CRLS1: variants seen among roughly 807,000 people sequenced by gnomAD.
CRLS1 encodes the protein cardiolipin synthase 1, also known as cardiolipin synthase (CMP-forming).
In CRLS1, 24 loss-of-function variants were observed where a neutral mutation model predicts 37.0. That is an observed-to-expected ratio of 0.65 (90% CI 0.47 to 0.91). CRLS1 has a LOEUF of 0.91. CRLS1 is among the 40% of genes least tolerant of loss of function. The pLI is 0.00. For missense variants in CRLS1, 373 were observed against 395.8 expected, an observed-to-expected ratio of 0.94 and a Z score of 0.49; for synonymous variants, 135 against 159.7, an observed-to-expected ratio of 0.85 and a Z score of 1.17.
At chr20:6,017,469 A>C (rs1978849319) in intron 3 of CRLS1, among the ~76,000 whole-genome samples, 1 of 152,206 alleles carries the variant, frequency 6.6e-6, no homozygotes, top group Non-Finnish European at 1.5e-5. Flanking sequence ...TTTTTATAGA[A>C]AAATTTGTAT....
chr20:6,036,187 C>T (rs954107207), intron 6 of CRLS1, among the ~76,000 whole-genome samples: 5 of 152,198 alleles, frequency 3.3e-5, no homozygotes, highest in Admixed American at 1.3e-4. Flanking sequence ...TGGCCTCAAA[C>T]AATCCTCCTG....
chr20:6,034,315 A>G (rs1600392293), intron 5 of CRLS1, 149 bp from the exon 6 acceptor site: 1 of 599,754 alleles, frequency 1.7e-6, no homozygotes, highest in Non-Finnish European at 3.0e-6. Flanking sequence ...TGTGAATGCA[A>G]GCTTATTGGG....
intron 3 of CRLS1, among the ~76,000 whole-genome samples, chr20:6,021,653 A>T (rs1238772790): frequency 6.6e-6 from 1 of 152,098 alleles, no homozygotes; most frequent in Non-Finnish European, 1.5e-5. Context: ...AATAAAACCC[A>T]TTTTGTCTTA....
intron 3 of CRLS1, among the ~76,000 whole-genome samples, chr20:6,017,127 A>G (rs918734188): frequency 1.3e-5 from 2 of 151,978 alleles, no homozygotes; most frequent in Admixed American, 1.3e-4. Context: ...AGAACCTACC[A>G]CCATGTGCAT....
chr20:6,029,581 A>G (rs891430831), intron 3 of CRLS1, among the ~76,000 whole-genome samples: 5 of 151,386 alleles, frequency 3.3e-5, no homozygotes, highest in African/African-American at 9.7e-5. Context: ...CTGATCTCGA[A>G]CTCCTGACCT....
chr20:6,021,474 A>G (rs1032544887), intron 3 of CRLS1, among the ~76,000 whole-genome samples: 5 of 152,214 alleles, frequency 3.3e-5, no homozygotes, highest in East Asian at 1.9e-4. Flanking sequence ...CTATAGCTGT[A>G]GTAATGATTT....
Position 6,037,945 on chromosome 20 carries a change from GT to G in CRLS1, c.*788del, listed in dbSNP as rs1168833252. On this transcript the variant is annotated 3_prime_UTR_variant, in exon 7 of 7. Coordinates refer to ENST00000378863, the MANE Select transcript of CRLS1 (RefSeq NM_019095.6). ...ATTGGAACCTGGATTCATATTTTAT[GT>G]AAATAATATCAAGCTGTATATTTTT... 6.6e-6 allele frequency: 1 copy of G among 152,122 alleles called. No individual in the cohort carries two copies. 9.4% of individuals were successfully genotyped at this position (152,122 alleles called of 1,614,324 possible). A position where few individuals can be genotyped will look rare whatever the true frequency, so the allele number is the denominator to read the frequency against.
At chr20:6,015,651 A>G (rs1334128822) in intron 3 of CRLS1, 161 bp downstream of exon 3, 5 of 664,956 alleles carry the variant, frequency 7.5e-6, no homozygotes, top group Non-Finnish European at 1.3e-5. Flanking sequence ...TTGTCAAACT[A>G]CTTGTGGATT....
intron 5 of CRLS1, among the ~76,000 whole-genome samples, chr20:6,033,185 A>G (rs1172702442): frequency 4.6e-5 from 7 of 151,452 alleles, no homozygotes; most frequent in African/African-American, 2.4e-5. Flanking sequence ...GCTGGAGTGC[A>G]ATGACGCGAT....
chr20:6,030,156 T>A (rs1454586119), intron 3 of CRLS1, among the ~76,000 whole-genome samples: 1 of 152,026 alleles, frequency 6.6e-6, no homozygotes, highest in East Asian at 1.9e-4. Flanking sequence ...AAATAATAAT[T>A]TTTTTTTCTT....
At chr20:6,010,729 CA>C (rs1568615896) in intron 2 of CRLS1, among the ~76,000 whole-genome samples, 1 of 152,154 alleles carries the variant, frequency 6.6e-6, no homozygotes, top group African/African-American at 2.4e-5. Flanking sequence ...AACTTTATTT[CA>C]AAAAAGTTTC....
intron 3 of CRLS1, among the ~76,000 whole-genome samples, chr20:6,017,749 G>C (rs73072321): frequency 0.042 from 6,462 of 152,240 alleles, 153 homozygotes; most frequent in Admixed American, 0.065. Flanking sequence ...TCTGTTTGGA[G>C]GAATTTGCAT....
At chr20:6,030,523 G>A (rs11699496) in intron 3 of CRLS1, among the ~76,000 whole-genome samples, 52,930 of 151,862 alleles carry the variant, frequency 0.35, 9,669 homozygotes, top group East Asian at 0.58. Flanking sequence ...AGGAGTTTTA[G>A]ACCAGCCAGG....
intron 3 of CRLS1, among the ~76,000 whole-genome samples, chr20:6,017,805 T>A (rs963653311): frequency 6.6e-6 from 1 of 152,236 alleles, no homozygotes; most frequent in Non-Finnish European, 1.5e-5. Flanking sequence ...TCCATTGAGG[T>A]CTGCTTTAAT....
At chr20:6,007,132 C>A in intron 1 of CRLS1, 4 of 844,186 alleles carry the variant, frequency 4.7e-6, no homozygotes, top group Non-Finnish European at 6.6e-6. Context: ...GATATGCTAC[C>A]CAGACAGAAG....
At chr20:6,024,529 C>A (rs910576439) in intron 3 of CRLS1, among the ~76,000 whole-genome samples, 1 of 152,180 alleles carries the variant, frequency 6.6e-6, no homozygotes, top group Non-Finnish European at 1.5e-5. Flanking sequence ...CCTCCCTATT[C>A]CCTGAGACAC....
At chr20:6,011,619 T>G (rs1978327412) in intron 2 of CRLS1, among the ~76,000 whole-genome samples, 1 of 129,366 alleles carries the variant, frequency 7.7e-6, no homozygotes. Flanking sequence ...GGAGACTGAC[T>G]CTGTCGCCCA....
chr20:6,008,139 CTTCAGAAATGGAATTTTAAAAGAAT>C (rs2090084630), intron 1 of CRLS1, among the ~76,000 whole-genome samples: 3 of 15,874 alleles, frequency 1.9e-4, no homozygotes, highest in Admixed American at 4.0e-4. Flanking sequence ...TTAAAAGAAT[CTTCAGAAATGGAATTTTAAAAGAAT>C]CTTCAGAAAT....
rs1245328334 is a variant in CRLS1, at chr20:6,039,097, G to A, written c.*1939G>A. 6.6e-6 allele frequency: 1 copy of A among 152,160 alleles called. No individual in the cohort carries two copies. 9.4% of individuals were successfully genotyped at this position (152,160 alleles called of 1,614,324 possible). A position where few individuals can be genotyped will look rare whatever the true frequency, so the allele number is the denominator to read the frequency against. ...CCTTGACAGTAAGCTTAAAGCATTAGTGTCATTTAATTACATGTCTGAGGA... is the reference window on the plus strand; with the variant it reads ...CCTTGACAGTAAGCTTAAAGCATTAATGTCATTTAATTACATGTCTGAGGA... On this transcript the variant is annotated 3_prime_UTR_variant, in exon 7 of 7. Transcript: ENST00000378863.
Sources: gnomAD v4.1 joint callset for allele counts (sites outside exome capture counted in the v4.1 genomes callset) on GRCh38, gnomAD v4.1.1 for gene constraint, MANE v1.5 for transcripts, NCBI Gene and HGNC (gene_info 2026-07-23, HGNC 2026-07-21) for gene names.